Variants in EPHB2 observed in about 807,000 individuals in gnomAD.
The protein encoded by EPHB2 is EPH receptor B2.
EPHB2 carries 18 observed loss-of-function variants against 96.4 expected under a neutral mutation model. The observed-to-expected ratio is 0.19, with a 90% CI of 0.13 to 0.28. The LOEUF is 0.28. EPHB2 is among the 10% of genes least tolerant of loss of function. The probability of loss-of-function intolerance (pLI) is 1.00; values close to 1 mark genes in which losing one functional copy is unlikely to be tolerated. For synonymous variants in EPHB2, 506 were observed against 534.1 expected, an observed-to-expected ratio of 0.95 and a Z score of 0.72; for missense variants, 989 against 1,355.4, an observed-to-expected ratio of 0.73 and a Z score of 4.25.
intron 1 of EPHB2, among the ~76,000 whole-genome samples, chr1:22,760,174 A>G (rs2582023): frequency 0.59 from 89,117 of 151,728 alleles, 26,625 homozygotes; most frequent in Admixed American, 0.66. Context: ...CTTGCCCCCC[A>G]AGACCCCACA....
intron 6 of EPHB2, among the ~76,000 whole-genome samples, chr1:22,892,416 C>T (rs752452146): frequency 6.6e-6 from 1 of 152,174 alleles, no homozygotes; most frequent in Non-Finnish European, 1.5e-5. Flanking sequence ...CAACAAGTGG[C>T]TATTTTTCTT....
intron 1 of EPHB2, among the ~76,000 whole-genome samples, chr1:22,744,208 T>G (rs1445634695): frequency 6.6e-6 from 1 of 151,912 alleles, no homozygotes; most frequent in African/African-American, 2.4e-5. Flanking sequence ...TTTAGCTGTT[T>G]CTAATAAAAT....
At chr1:22,892,609 A>G (rs1466655617) in intron 6 of EPHB2, among the ~76,000 whole-genome samples, 5 of 152,296 alleles carry the variant, frequency 3.3e-5, no homozygotes, top group African/African-American at 9.6e-5. Context: ...TGCTTGCATC[A>G]TGTCCACTAG....
chr1:22,795,962 A>G (rs1644761515), intron 3 of EPHB2, among the ~76,000 whole-genome samples: 1 of 152,220 alleles, frequency 6.6e-6, no homozygotes, highest in South Asian at 2.1e-4. Flanking sequence ...AGGAGCTCAC[A>G]CTGAGGCTGG....
At chr1:22,760,207 A>G (rs2148393369) in intron 1 of EPHB2, among the ~76,000 whole-genome samples, 1 of 152,022 alleles carries the variant, frequency 6.6e-6, no homozygotes, top group East Asian at 1.9e-4. Context: ...TGGGGCACTC[A>G]GAAATAATTA....
chr1:22,744,557 G>A (rs990383481), intron 1 of EPHB2, among the ~76,000 whole-genome samples: 9 of 149,302 alleles, frequency 6.0e-5, no homozygotes, highest in African/African-American at 2.2e-4. Context: ...GTGTGTGCCT[G>A]TAGTCCAACT....
chr1:22,829,609 C>T (rs12027585), intron 3 of EPHB2, among the ~76,000 whole-genome samples: 20,079 of 152,200 alleles, frequency 0.13, 1,449 homozygotes, highest in Admixed American at 0.16. Flanking sequence ...TTCAGATCAC[C>T]TTCTGAGGTC....
intron 3 of EPHB2, among the ~76,000 whole-genome samples, chr1:22,818,186 G>A (rs901278370): frequency 1.3e-5 from 2 of 152,096 alleles, no homozygotes; most frequent in East Asian, 3.9e-4. Flanking sequence ...CCTTGTGCTC[G>A]ATCCATCTGT....
At chr1:22,725,480 C>CA (rs1329713390) in intron 1 of EPHB2, among the ~76,000 whole-genome samples, 1 of 151,882 alleles carries the variant, frequency 6.6e-6, no homozygotes, top group South Asian at 2.1e-4. Context: ...AAACAAACAC[C>CA]AAAAACCAGA....
At chr1:22,736,526 C>A (rs907502649) in intron 1 of EPHB2, among the ~76,000 whole-genome samples, 20 of 152,194 alleles carry the variant, frequency 1.3e-4, no homozygotes, top group African/African-American at 4.8e-4. Context: ...GCATGGTTCC[C>A]TGGGGGTGGG....
At chr1:22,822,775 C>T (rs1380592752) in intron 3 of EPHB2, among the ~76,000 whole-genome samples, 2 of 152,226 alleles carry the variant, frequency 1.3e-5, no homozygotes, top group African/African-American at 4.8e-5. Flanking sequence ...TATGGCCTGC[C>T]GTCCAGTTTC....
intron 1 of EPHB2, among the ~76,000 whole-genome samples, chr1:22,766,961 C>T (rs918686904): frequency 2.6e-5 from 4 of 152,230 alleles, no homozygotes; most frequent in African/African-American, 9.6e-5. Context: ...CTCCGGCTCT[C>T]ATGTGAACCA....
At chr1:22,911,800 G>A (rs1339366410) in intron 14 of EPHB2, among the ~76,000 whole-genome samples, 2 of 152,128 alleles carry the variant, frequency 1.3e-5, no homozygotes, top group African/African-American at 4.8e-5. Flanking sequence ...ATGAGTGGGA[G>A]ATCATCATGC....
At chr1:22,759,015 T>C (rs1397060734) in intron 1 of EPHB2, among the ~76,000 whole-genome samples, 5 of 151,906 alleles carry the variant, frequency 3.3e-5, no homozygotes, top group Non-Finnish European at 7.4e-5. Flanking sequence ...GGATGGATGA[T>C]GGGTGATGGG....
At chr1:22,793,880 T>C (rs956562124) in intron 3 of EPHB2, among the ~76,000 whole-genome samples, 2 of 152,132 alleles carry the variant, frequency 1.3e-5, no homozygotes, top group Non-Finnish European at 1.5e-5. Flanking sequence ...AATTTGAACC[T>C]GGCTTTCTGC....
In EPHB2 at chr1:22,913,808, C is replaced by T. The variant is rs1287122775; in HGVS notation, c.*238C>T. On this transcript the variant is annotated 3_prime_UTR_variant, in exon 16 of 16. Coordinates refer to ENST00000374630, the MANE Select transcript of EPHB2 (RefSeq NM_017449.5). The surrounding 1 kb of genome is among the most constrained non-coding windows in gnomAD (Gnocchi z 4.1). ...AGATCCTGGGAGGGGGCGGGAAATA[C>T]AAGGAATATTTTTTAAAGAGGATTC... is the stretch of plus-strand genomic sequence containing the variant. 1.2e-6 allele frequency: 2 copies of T among 1,610,290 alleles called. No individual in the cohort carries two copies. Among genetic ancestry groups the T allele is most frequent in the Admixed American group, 3.4e-5 (2 of 59,404 alleles).
At chr1:22,898,035 GGAGGTTGCAGTGAGCC>G (rs1004919666) in intron 9 of EPHB2, among the ~76,000 whole-genome samples, 6 of 149,654 alleles carry the variant, frequency 4.0e-5, no homozygotes, top group South Asian at 2.1e-4. Flanking sequence ...CCCAGGAGGC[GGAGGTTGCAGTGAGCC>G]GAGGTTGCAG....
intron 1 of EPHB2, among the ~76,000 whole-genome samples, chr1:22,763,810 C>T (rs571872703): frequency 6.6e-6 from 1 of 152,214 alleles, no homozygotes; most frequent in East Asian, 1.9e-4. Flanking sequence ...GTGAAGGGCA[C>T]ACTACCTCCA....
intron 6 of EPHB2, among the ~76,000 whole-genome samples, chr1:22,883,778 G>A (rs761347362): frequency 3.9e-5 from 6 of 152,250 alleles, no homozygotes; most frequent in Admixed American, 6.5e-5. Flanking sequence ...GCTTGCGTGC[G>A]TGTTCATCCC....
Sources: allele counts gnomAD v4.1 joint callset (sites outside exome capture counted in the v4.1 genomes callset), GRCh38; gene constraint gnomAD v4.1.1; non-coding constraint Gnocchi (gnomAD v3.1); transcripts MANE v1.5; gene names NCBI Gene and HGNC (gene_info 2026-07-23, HGNC 2026-07-21).